Variants in AXL observed in about 807,000 individuals in gnomAD.
AXL encodes tyrosine-protein kinase receptor UFO.
AXL carries 52 observed loss-of-function variants against 104.5 expected under a neutral mutation model. The ratio of observed to expected loss-of-function variants is 0.50; its 90% CI spans 0.40 to 0.63. AXL has a LOEUF of 0.63. AXL is among the 20% of genes least tolerant of loss of function. The pLI, the probability that AXL is intolerant of heterozygous loss-of-function variation, is 0.00. For missense variants in AXL, 1,024 were observed against 1,188.5 expected, an observed-to-expected ratio of 0.86 and a Z score of 2.04; for synonymous variants, 455 against 473.7, an observed-to-expected ratio of 0.96 and a Z score of 0.51.
At chr19:41,248,433 G>T in intron 12 of AXL, 81 bp from the exon 13 acceptor site, 2 of 1,331,482 alleles carry the variant, frequency 1.5e-6, no homozygotes, top group Non-Finnish European at 2.2e-6. Context: ...TTCAACAATG[G>T]ATCTATCCCT....
chr19:41,233,529 G>T (rs760861251), intron 6 of AXL, among the ~76,000 whole-genome samples: 1 of 151,496 alleles, frequency 6.6e-6, no homozygotes, highest in Non-Finnish European at 1.5e-5. Context: ...TACTCGGGAG[G>T]CTGAAGTGGG....
At position 41,259,873 on chromosome 19, in the gene AXL, C is replaced by T; in HGVS notation, c.2654C>T (p.Pro885Leu). ...SPAQPADRGS[P>L]AAPGQEDGA ...GCTCAGCCTGCTGATAGGGGCTCCCCAGCAGCCCCAGGGCAGGAGGATGGT... is the reference window on the plus strand; with the variant it reads ...GCTCAGCCTGCTGATAGGGGCTCCCTAGCAGCCCCAGGGCAGGAGGATGGT... Residue 885 changes from proline to leucine, a missense_variant, in exon 20 of 20, where the codon CCA (proline) becomes CTA (leucine). Around this residue, in one of 5 missense-constraint regions of AXL, gnomAD observed 523 missense variants for 636.0 expected, o/e 0.82. Coordinates refer to ENST00000301178, the MANE Select transcript of AXL (RefSeq NM_021913.5). 1.9e-6 allele frequency: 3 copies of T among 1,598,388 alleles called. No individual in the cohort carries two copies. The highest frequency in any genetic ancestry group is 2.6e-6 in the Non-Finnish European group (3 of 1,170,382).
chr19:41,253,889 T>G (rs949692494), intron 17 of AXL, among the ~76,000 whole-genome samples, 181 bp downstream of exon 17: 2 of 151,782 alleles, frequency 1.3e-5, no homozygotes, highest in African/African-American at 4.8e-5. Flanking sequence ...AGTCCTGAAC[T>G]GAGATCTGGA....
In AXL at chr19:41,239,703, A is replaced by C. The variant is rs199928489; in HGVS notation, c.1295A>C (p.Gln432Pro). The C allele has an allele frequency of 1.4e-4, 227 of 1,614,146 alleles. 2 individuals are homozygous for C. The Middle Eastern group carries it at 2.0e-3, about 14-fold the overall frequency. ...PLEAWRPGQA[Q>P]PVHQLVKEPS... Reference sequence around the variant, plus strand: ...TCCTTTCTTCTCACAGGGCAAGCACAGCCAGTCCACCAGCTGGGTAAGGGC... The same window carrying C: ...TCCTTTCTTCTCACAGGGCAAGCACCGCCAGTCCACCAGCTGGGTAAGGGC... The change falls in exon 10 of 20, where the codon CAG (glutamine) becomes CCG (proline). Residue 432 changes from glutamine to proline, a missense_variant. By Grantham distance (76) the Gln-to-Pro change is moderately conservative (BLOSUM62 -1). Coordinates refer to ENST00000301178, the MANE Select transcript of AXL (RefSeq NM_021913.5).
In AXL at chr19:41,238,628, A is replaced by T; in HGVS notation, c.1134+19A>T. The T allele has an allele frequency of 6.3e-7, 1 of 1,597,258 alleles. No homozygotes were observed. Among genetic ancestry groups the T allele is most frequent in the Non-Finnish European group, 8.6e-7 (1 of 1,168,528 alleles). On this transcript the variant is annotated intron_variant, in intron 8 of 19. Coordinates refer to ENST00000301178, the MANE Select transcript of AXL (RefSeq NM_021913.5). ...CCCAGAGGTGGGTGCTGCTGGTGGG[A>T]TTGGAGTGGAGTGGCTTGGGGAGGA...
In AXL at chr19:41,253,637, C is replaced by T. The variant is rs752775507; in HGVS notation, c.1965C>T (p.Asp655=). The T allele has an allele frequency of 2.5e-6, 4 of 1,613,830 alleles. No homozygotes were observed. The Admixed American group carries it at 5.0e-5, about 20-fold the overall frequency. ...AGATGCTAGTGAAGTTCATGGCAGA[C>T]ATCGCCAGTGGCATGGAGTATCTGA... ...PTQMLVKFMA[D]IASGMEYLST... The change falls in exon 17 of 20, where the codon GAC becomes GAT. Residue 655 remains aspartate (D), a synonymous_variant. Coordinates refer to ENST00000301178, the MANE Select transcript of AXL (RefSeq NM_021913.5).
chr19:41,223,016 C>T (rs1367743386), intron 4 of AXL, among the ~76,000 whole-genome samples: 2 of 144,742 alleles, frequency 1.4e-5, no homozygotes, highest in East Asian at 2.2e-4. Context: ...ACAGAGAGGC[C>T]GGGCATGGTG....
At chr19:41,225,624 T>C (rs1022990723) in intron 4 of AXL, among the ~76,000 whole-genome samples, 3 of 152,340 alleles carry the variant, frequency 2.0e-5, no homozygotes, top group East Asian at 3.9e-4. Context: ...TGTGTGTTTA[T>C]GTGTTTGTCC....
intron 10 of AXL, among the ~76,000 whole-genome samples, chr19:41,241,216 G>C (rs1393740670): frequency 6.6e-6 from 1 of 152,058 alleles, no homozygotes; most frequent in African/African-American, 2.4e-5. Context: ...TGCCCCTTTG[G>C]ATATTTATTT....
intron 15 of AXL, 62 bp downstream of exon 15, chr19:41,252,505 G>T (rs2034382772): frequency 6.4e-7 from 1 of 1,551,944 alleles, no homozygotes; most frequent in Non-Finnish European, 8.9e-7. Flanking sequence ...AGAGGGAAGA[G>T]CCCTGCTTCT....
intron 1 of AXL, 191 bp from the exon 2 acceptor site, chr19:41,220,445 C>A: frequency 1.7e-6 from 1 of 583,800 alleles, no homozygotes; most frequent in Non-Finnish European, 3.1e-6. Flanking sequence ...AGATCCCAGT[C>A]CCTTGGGAGG....
At chr19:41,222,943 A>T (rs187002182) in intron 4 of AXL, among the ~76,000 whole-genome samples, 1 of 147,830 alleles carries the variant, frequency 6.8e-6, no homozygotes, top group African/African-American at 2.5e-5. Flanking sequence ...GGAGACAGAG[A>T]GAGATAGAAT....
intron 14 of AXL, among the ~76,000 whole-genome samples, chr19:41,251,282 C>T (rs1331891628): frequency 6.6e-6 from 1 of 152,016 alleles, no homozygotes; most frequent in Non-Finnish European, 1.5e-5. Context: ...AAAAAATTGG[C>T]TGGGCATGGT....
At chr19:41,243,581 T>C (rs768365762) in intron 11 of AXL, 35 bp from the exon 12 acceptor site, 1 of 1,555,996 alleles carries the variant, frequency 6.4e-7, no homozygotes, top group Middle Eastern at 1.7e-4. Flanking sequence ...CCACATGGTT[T>C]TTCCCTGCCC....
intron 4 of AXL, among the ~76,000 whole-genome samples, chr19:41,225,204 C>T (rs768678725): frequency 2.6e-5 from 4 of 152,190 alleles, no homozygotes; most frequent in Non-Finnish European, 5.9e-5. Context: ...ACAGGTTTGT[C>T]ATGTTGGCCA....
In AXL at chr19:41,221,747, G is replaced by A. The variant is rs775030764; in HGVS notation, c.410-133G>A. ...TGTTGGGTATGGCTCAGGTGCCCTC[G>A]GGGATCAGATAAGGCAAGTCAATGA... On this transcript the variant is annotated intron_variant, in intron 3 of 19. Transcript: ENST00000301178. The A allele has an allele frequency of 2.1e-4, 205 of 960,316 alleles. 1 individual carries two copies. The highest frequency in any genetic ancestry group is 2.6e-4 in the Non-Finnish European group (175 of 665,792). The allele number at this position is 960,316 out of a possible 1,614,324, so 59.5% of individuals were successfully genotyped here.
At chr19:41,248,669 A>T (rs2034310609) in intron 13 of AXL, 60 bp downstream of exon 13, 1 of 1,610,764 alleles carries the variant, frequency 6.2e-7, no homozygotes, top group African/African-American at 1.3e-5. Flanking sequence ...GCACTTCCAC[A>T]CTCCCACCCA....
intron 6 of AXL, among the ~76,000 whole-genome samples, chr19:41,234,621 C>T (rs932507368): frequency 6.6e-6 from 1 of 152,206 alleles, no homozygotes; most frequent in Non-Finnish European, 1.5e-5. Flanking sequence ...TTATATGCAT[C>T]ATGTCATTAA....
At chr19:41,230,147 G>GTCTGTTTGTT (rs2033951632) in intron 4 of AXL, among the ~76,000 whole-genome samples, 1 of 119,658 alleles carries the variant, frequency 8.4e-6, no homozygotes, top group East Asian at 2.2e-4. Flanking sequence ...GTGTGGCTGT[G>GTCTGTTTGTT]TCTGTTTCTG....
Sources: gnomAD v4.1 joint callset for allele counts (sites outside exome capture counted in the v4.1 genomes callset) on GRCh38, gnomAD v4.1.1 for gene constraint, gnomAD v4.1.1 regional missense constraint, MANE v1.5 for transcripts, NCBI Gene and HGNC (gene_info 2026-07-23, HGNC 2026-07-21) for gene names.